Variants in ESRP1 observed in about 807,000 individuals in gnomAD.
ESRP1 encodes the protein RNA-binding motif protein 35A.
A neutral mutation model predicts 81.7 loss-of-function variants in ESRP1; 33 were observed. That is an observed-to-expected ratio of 0.40 (90% CI 0.31 to 0.54). The LOEUF is 0.54. Ranked by LOEUF, ESRP1 falls within the 20% of genes least tolerant of loss-of-function variation. The pLI is 0.41. For synonymous variants in ESRP1, 320 were observed against 303.3 expected (o/e 1.06, Z -0.57); for missense variants, 672 against 833.1 (o/e 0.81, Z 2.38).
intron 10 of ESRP1, among the ~76,000 whole-genome samples, chr8:94,669,874 C>CAAAA (rs1263306176): frequency 4.5e-5 from 4 of 89,626 alleles, no homozygotes; most frequent in Admixed American, 1.3e-4. Context: ...CTCCCGCTAC[C>CAAAA]AAAAAAAAAA....
At chr8:94,644,831 A>G (rs1252599182) in intron 3 of ESRP1, among the ~76,000 whole-genome samples, 1 of 152,376 alleles carries the variant, frequency 6.6e-6, no homozygotes, top group Non-Finnish European at 1.5e-5. Context: ...GGAAAATGGC[A>G]AAACATGAAA....
At chr8:94,643,519 T>G (rs1817713302) in intron 3 of ESRP1, 103 bp downstream of exon 3, 1 of 673,982 alleles carries the variant, frequency 1.5e-6, no homozygotes, top group Non-Finnish European at 2.6e-6. Flanking sequence ...CTTAAAAAGA[T>G]GCATATAGGG....
At chr8:94,691,212 T>A (rs1475438131) in intron 13 of ESRP1, among the ~76,000 whole-genome samples, 1 of 152,206 alleles carries the variant, frequency 6.6e-6, no homozygotes, top group Non-Finnish European at 1.5e-5. Context: ...TTTGGCTCTC[T>A]TGAGTTTCTA....
intron 12 of ESRP1, among the ~76,000 whole-genome samples, chr8:94,676,717 C>A (rs1187474313): frequency 6.6e-6 from 1 of 151,726 alleles, no homozygotes; most frequent in Non-Finnish European, 1.5e-5. Context: ...CCAGGATGGT[C>A]TGGATCTCCT....
intron 4 of ESRP1, among the ~76,000 whole-genome samples, chr8:94,657,814 C>T (rs1818512455): frequency 6.6e-6 from 1 of 152,196 alleles, no homozygotes; most frequent in Non-Finnish European, 1.5e-5. Context: ...TAAAACTTCT[C>T]TCACACTATT....
chr8:94,641,690 T>C, intron 1 of ESRP1: 1 of 690,030 alleles, frequency 1.4e-6, no homozygotes, highest in Non-Finnish European at 2.2e-6. Context: ...CGAGCCGGGT[T>C]CTTTGCCCGT....
chr8:94,657,023 C>G (rs534532592), intron 4 of ESRP1, among the ~76,000 whole-genome samples: 11 of 152,300 alleles, frequency 7.2e-5, no homozygotes, highest in African/African-American at 2.6e-4. Flanking sequence ...AATCCTCAAG[C>G]CTGTTTCACC....
chr8:94,659,342 C>T (rs143295801), intron 4 of ESRP1, among the ~76,000 whole-genome samples: 2 of 152,280 alleles, frequency 1.3e-5, no homozygotes, highest in East Asian at 3.9e-4. Context: ...AATCAGTGAT[C>T]TTTGTTACTG....
intron 9 of ESRP1, among the ~76,000 whole-genome samples, chr8:94,667,274 T>C (rs1819074759): frequency 6.6e-6 from 1 of 151,914 alleles, no homozygotes; most frequent in South Asian, 2.1e-4. Context: ...AAAATGTTAC[T>C]AGTGTATGAG....
intron 13 of ESRP1, among the ~76,000 whole-genome samples, chr8:94,683,498 T>G (rs759756704): frequency 3.3e-5 from 5 of 152,202 alleles, no homozygotes; most frequent in Non-Finnish European, 7.3e-5. Context: ...CTTCGCCTAG[T>G]TTATCCCAAT....
At chr8:94,647,621 A>C (rs3096598) in intron 4 of ESRP1, among the ~76,000 whole-genome samples, 136,601 of 152,058 alleles carry the variant, frequency 0.9, 63,162 homozygotes, top group East Asian at 1. Context: ...CCCTTTGACC[A>C]TCATTTAAAC....
chr8:94,691,167 G>T (rs753917508), intron 13 of ESRP1, among the ~76,000 whole-genome samples: 42 of 152,138 alleles, frequency 2.8e-4, no homozygotes, highest in Admixed American at 7.9e-4. Flanking sequence ...TGATCACATA[G>T]TAGCCTTTAA....
chr8:94,685,849 A>T (rs972463798), intron 13 of ESRP1, among the ~76,000 whole-genome samples: 1 of 152,162 alleles, frequency 6.6e-6, no homozygotes, highest in African/African-American at 2.4e-5. Context: ...GCAAAGGAAG[A>T]TTGAATGGTA....
At chr8:94,696,054 C>T (rs1216287567) in intron 14 of ESRP1, among the ~76,000 whole-genome samples, 1 of 151,722 alleles carries the variant, frequency 6.6e-6, no homozygotes, top group Non-Finnish European at 1.5e-5. Context: ...CAGAACAAGA[C>T]TCTGTCTCAA....
chr8:94,672,836 G>A (rs932614727), intron 11 of ESRP1, among the ~76,000 whole-genome samples: 1 of 152,216 alleles, frequency 6.6e-6, no homozygotes, highest in African/African-American at 2.4e-5. Flanking sequence ...CCTGGCCTGG[G>A]ACTCTTAATT....
intron 13 of ESRP1, among the ~76,000 whole-genome samples, chr8:94,687,372 A>T (rs554220150): frequency 1.3e-5 from 2 of 152,314 alleles, no homozygotes; most frequent in Admixed American, 6.5e-5. Flanking sequence ...TTTGGCTATT[A>T]AGAATAATGC....
At chr8:94,686,149 G>T (rs1189338502) in intron 13 of ESRP1, among the ~76,000 whole-genome samples, 1 of 152,064 alleles carries the variant, frequency 6.6e-6, no homozygotes, top group Non-Finnish European at 1.5e-5. Flanking sequence ...GAGTGGTCTC[G>T]AATTCCTGAC....
chr8:94,691,173 T>C (rs185612790), intron 13 of ESRP1, among the ~76,000 whole-genome samples: 2 of 152,364 alleles, frequency 1.3e-5, no homozygotes, highest in East Asian at 3.9e-4. Context: ...CATAGTAGCC[T>C]TTAAAATATA....
chr8:94,648,133 T>C (rs527742151), intron 4 of ESRP1, among the ~76,000 whole-genome samples: 1 of 152,214 alleles, frequency 6.6e-6, no homozygotes, highest in Non-Finnish European at 1.5e-5. Context: ...TGCATGAGAC[T>C]GTAGTCCTAG....
Sources: gnomAD v4.1 joint callset for allele counts (sites outside exome capture counted in the v4.1 genomes callset) on GRCh38, gnomAD v4.1.1 for gene constraint, MANE v1.5 for transcripts, NCBI Gene and HGNC (gene_info 2026-07-23, HGNC 2026-07-21) for gene names.